PRDM15: variants seen among roughly 807,000 people sequenced by gnomAD.
PRDM15 encodes the protein PR/SET domain 15.
Under a neutral mutation model 128.6 loss-of-function variants are expected in PRDM15, and 64 were observed. That is an observed-to-expected ratio of 0.50 (90% confidence interval 0.41 to 0.61). The LOEUF (loss-of-function observed/expected upper bound fraction) is 0.61, where lower values mean the gene tolerates loss of function less well. Ranked by LOEUF, PRDM15 falls within the 20% of genes least tolerant of loss-of-function variation. The pLI is 0.00. For synonymous variants in PRDM15, 615 were observed against 621.8 expected (o/e 0.99, Z 0.16); for missense variants, 1,242 against 1,569.1 (o/e 0.79, Z 3.52).
Position 41,810,414 on chromosome 21 carries a change from C to T in PRDM15, c.2477-85G>A. On this transcript the variant is annotated intron_variant, in intron 20 of 23. Transcript: ENST00000398548. The surrounding 1 kb of genome is among the most constrained non-coding windows in gnomAD (Gnocchi z 6.4). ...GTGCAGCCATCCCAATGACCCTGGC[C>T]TGCTGGACGAGGCAAGAAGCCTGTC... The T allele has an allele frequency of 6.8e-7, 1 of 1,466,734 alleles. No homozygotes were observed. Among genetic ancestry groups the T allele is most frequent in the Non-Finnish European group, 9.2e-7 (1 of 1,087,302 alleles). The allele number at this position is 1,466,734 out of a possible 1,614,324, so 90.9% of individuals were successfully genotyped here. A position where few individuals can be genotyped will look rare whatever the true frequency, so the allele number is the denominator to read the frequency against.
At chr21:41,809,358 G>C (rs1015931452) in intron 21 of PRDM15, among the ~76,000 whole-genome samples, 1 of 150,936 alleles carries the variant, frequency 6.6e-6, no homozygotes. Flanking sequence ...TCAGCCTCCC[G>C]AGTAGCTGGG....
Position 41,819,623 on chromosome 21 carries a change from T to C in PRDM15, c.2219A>G (p.His740Arg), listed in dbSNP as rs1396835094. 1 of 1,612,194 alleles carries C rather than the reference T, an allele frequency of 6.2e-7. No individual in the cohort carries two copies. The highest frequency in any genetic ancestry group is 8.5e-7 in the Non-Finnish European group (1 of 1,179,562). ...KDMLKEHMRV[H>R]DNVREYLCAE... is the part of the protein sequence containing the mutation. ...ACACAGGTACTCGCGGACATTGTCG[T>C]GCACACGCATGTGCTCCTTCAGCAT... The change falls in exon 18 of 24, where the codon CAC (histidine) becomes CGC (arginine). Residue 740 changes from histidine to arginine, a missense_variant. Physicochemically the swap from His to Arg is conservative, Grantham distance 29. Around this residue, in one of 3 missense-constraint regions of PRDM15, gnomAD observed 602 missense variants for 788.3 expected, o/e 0.76. Coordinates refer to ENST00000398548, the MANE Select transcript of PRDM15 (RefSeq NM_001040424.3).
At position 41,847,129 on chromosome 21, in the gene PRDM15, C is replaced by G. The variant is rs1221793481; in HGVS notation, c.601G>C (p.Val201Leu). Reference protein sequence around the residue: ...ESEPSQWACKVCSATFLELQL... With the variant: ...ESEPSQWACKLCSATFLELQL... ...AGCTCCAGGAAGGTGGCAGAACACA[C>G]TTTACACGCCCACTGGCTGGGCTCC... is the stretch of plus-strand genomic sequence containing the variant. The change falls in exon 6 of 24, where the codon GTG (valine) becomes CTG (leucine). Residue 201 changes from valine to leucine, a missense_variant. Transcript: ENST00000398548. 1 of 1,555,380 alleles carries G rather than the reference C, an allele frequency of 6.4e-7. No homozygotes were observed. Among genetic ancestry groups the G allele is most frequent in the Non-Finnish European group, 8.7e-7 (1 of 1,148,558 alleles).
Position 41,854,924 on chromosome 21 carries a change from C to T in PRDM15, c.286-106G>A, listed in dbSNP as rs992355706. On this transcript the variant is annotated intron_variant, in intron 4 of 23. Coordinates refer to ENST00000398548, the MANE Select transcript of PRDM15 (RefSeq NM_001040424.3). This position sits in a 1 kb window ranked among gnomAD's most constrained non-coding sequence, Gnocchi z 4.6. ...TGAGGAACCCATCTAGACAGTGCCA[C>T]GTCAGAGGCCATAAGGGCTCCTGTA... is the stretch of plus-strand genomic sequence containing the variant. The T allele has an allele frequency of 1.3e-5, 16 of 1,273,410 alleles. No individual in the cohort carries two copies. The highest frequency in any genetic ancestry group is 7.4e-5 in the East Asian group (3 of 40,462). The allele number at this position is 1,273,410 out of a possible 1,614,324, so 78.9% of individuals were successfully genotyped here. A position where few individuals can be genotyped will look rare whatever the true frequency, so the allele number is the denominator to read the frequency against.
chr21:41,878,377 T>G (rs1569037879), intron 1 of PRDM15, among the ~76,000 whole-genome samples: 1 of 152,116 alleles, frequency 6.6e-6, no homozygotes, highest in African/African-American at 2.4e-5. Flanking sequence ...TCCACTACAT[T>G]AGGGGGTTAA....
At position 41,828,190 on chromosome 21, in the gene PRDM15, C is replaced by T; in HGVS notation, c.1510G>A (p.Asp504Asn). Reference sequence around the variant, plus strand: ...CCTTCCAGGTGCCGGCGCTGGTGGTCCAGCATGACGTCCTTGCGGTAGAAC... The same window carrying T: ...CCTTCCAGGTGCCGGCGCTGGTGGTTCAGCATGACGTCCTTGCGGTAGAAC... ...KMFYRKDVML[D>N]HQRRHLEGVR... Residue 504 changes from aspartate to asparagine, a missense_variant, in exon 12 of 24, where the codon GAC becomes AAC. Asp to Asn is a conservative substitution (Grantham distance 23, BLOSUM62 1). Coordinates refer to ENST00000398548, the MANE Select transcript of PRDM15 (RefSeq NM_001040424.3). The surrounding 1 kb of genome is among the most constrained non-coding windows in gnomAD (Gnocchi z 5.7). 1 of 1,613,990 alleles carries T rather than the reference C, an allele frequency of 6.2e-7. No individual in the cohort carries two copies. Among genetic ancestry groups the T allele is most frequent in the Non-Finnish European group, 8.5e-7 (1 of 1,179,980 alleles).
At chr21:41,848,958 A>G (rs2063347352) in intron 5 of PRDM15, among the ~76,000 whole-genome samples, 1 of 152,216 alleles carries the variant, frequency 6.6e-6, no homozygotes, top group African/African-American at 2.4e-5. Flanking sequence ...GTCCCAGCAA[A>G]ATCTAACATC....
intron 3 of PRDM15, among the ~76,000 whole-genome samples, chr21:41,858,253 C>A (rs1034932024): frequency 6.6e-6 from 1 of 152,254 alleles, no homozygotes; most frequent in African/African-American, 2.4e-5. Flanking sequence ...GGAGCCGGGA[C>A]GAGCCCAGGA....
Position 41,836,628 on chromosome 21 carries a change from G to A in PRDM15, c.1023C>T (p.Asn341=). Residue 341 remains asparagine (N), a synonymous_variant, in exon 9 of 24, where the codon AAC becomes AAT. Transcript: ENST00000398548. ...SVPKFTHHQN[N]TITLKRSLIL... is the part of the protein sequence containing the mutation. ...TTAAGCTCCTCTTGAGCGTGATGGT[G>A]TTATTCTGATGATGGGTGAACCTGC... 6.2e-7 allele frequency: 1 copy of A among 1,607,692 alleles called. No individual in the cohort carries two copies. Among genetic ancestry groups the A allele is most frequent in the Non-Finnish European group, 8.5e-7 (1 of 1,175,044 alleles).
Position 41,821,831 on chromosome 21 carries a change from G to A in PRDM15, c.1896+72C>T, listed in dbSNP as rs1004650510. The A allele has an allele frequency of 7.6e-6, 12 of 1,585,898 alleles. No individual in the cohort carries two copies. The highest frequency in any genetic ancestry group is 1.1e-5 in the South Asian group (1 of 90,330). ...AGATGCATGAAGGTGCCTGCTGTGT[G>A]GGGCCCACAGCCTTGAAACGACCAC... On this transcript the variant is annotated intron_variant, in intron 15 of 23. Transcript: ENST00000398548. This position sits in a 1 kb window ranked among gnomAD's most constrained non-coding sequence, Gnocchi z 5.4.
chr21:41,857,282 G>A lies in PRDM15; in HGVS notation c.179C>T (p.Ala60Val), dbSNP rs745661557. Residue 60 changes from alanine (A) to valine (V), a missense_variant, in exon 4 of 24, where the codon GCC (alanine) becomes GTC (valine). This residue lies in a region of PRDM15 where 612 missense variants were observed against 717.0 expected (regional missense o/e 0.85). Coordinates refer to ENST00000398548, the MANE Select transcript of PRDM15 (RefSeq NM_001040424.3). ...NLEIRRLEDG[A>V]EGVFAITQLV... ...CTGAGTGATGGCGAACACCCCCTCGGCTCCATCTTCCAGTCGTCTGATCTC... is the reference window on the plus strand; with the variant it reads ...CTGAGTGATGGCGAACACCCCCTCGACTCCATCTTCCAGTCGTCTGATCTC... 6.2e-7 allele frequency: 1 copy of A among 1,613,882 alleles called. No homozygotes were observed. Among genetic ancestry groups the A allele is most frequent in the Non-Finnish European group, 8.5e-7 (1 of 1,179,986 alleles).
In PRDM15 at chr21:41,852,517, C is replaced by T. The variant is rs533624561; in HGVS notation, c.538+2049G>A. Among the ~76,000 whole-genome samples the T allele has an allele frequency of 3.4e-4, 52 of 152,378 alleles. No individual in the cohort carries two copies. In the South Asian group the frequency reaches 7.5e-3, roughly 22 times the overall value. ...CAGGCACCTGGTTTTGGCAAAGCCA[C>T]GAGGGTGGGGCTAGGAGCAGCTGGG... On this transcript the variant is annotated intron_variant, in intron 5 of 23. Coordinates refer to ENST00000398548, the MANE Select transcript of PRDM15 (RefSeq NM_001040424.3).
chr21:41,857,567 C>G (rs1204237413), intron 3 of PRDM15, among the ~76,000 whole-genome samples: 1 of 152,160 alleles, frequency 6.6e-6, no homozygotes, highest in Non-Finnish European at 1.5e-5. Context: ...TGAGACCAGC[C>G]TGGGCAATAT....
chr21:41,847,224 C>T, intron 5 of PRDM15, 33 bp from the exon 6 acceptor site: 1 of 1,452,122 alleles, frequency 6.9e-7, no homozygotes. Context: ...AAAAGGTGAC[C>T]CCCAAGCAGC....
At chr21:41,840,104 C>T (rs542621879) in intron 6 of PRDM15, among the ~76,000 whole-genome samples, 25 of 152,262 alleles carry the variant, frequency 1.6e-4, no homozygotes, top group African/African-American at 6.0e-4. Flanking sequence ...AGCAGACATA[C>T]ACACACACAT....
In PRDM15 at chr21:41,821,825, C is replaced by T. The variant is rs1304658762; in HGVS notation, c.1896+78G>A. The T allele has an allele frequency of 9.6e-6, 15 of 1,566,422 alleles. No homozygotes were observed. Among genetic ancestry groups the T allele is most frequent in the Admixed American group, 1.7e-5 (1 of 59,586 alleles). ...CTTCCGAGATGCATGAAGGTGCCTG[C>T]TGTGTGGGGCCCACAGCCTTGAAAC... On this transcript the variant is annotated intron_variant, in intron 15 of 23. Coordinates refer to ENST00000398548, the MANE Select transcript of PRDM15 (RefSeq NM_001040424.3). The surrounding 1 kb of genome is among the most constrained non-coding windows in gnomAD (Gnocchi z 5.4).
At position 41,832,741 on chromosome 21, in the gene PRDM15, C is replaced by T. The variant is rs2062739334; in HGVS notation, c.1366+2696G>A. 6.6e-6 allele frequency among the ~76,000 whole-genome samples: 1 copy of T among 152,156 alleles called. No individual in the cohort carries two copies. Among genetic ancestry groups the T allele is most frequent in the African/African-American group, 2.4e-5 (1 of 41,416 alleles). On this transcript the variant is annotated intron_variant, in intron 11 of 23. Transcript: ENST00000398548. The surrounding 1 kb of genome is among the most constrained non-coding windows in gnomAD (Gnocchi z 4.2). Reference sequence around the variant, plus strand: ...GCAGGTGCAAATCAGCACCCATGAGCACCCCCTCCTGGGCAGGTGGCTCCA... The same window carrying T: ...GCAGGTGCAAATCAGCACCCATGAGTACCCCCTCCTGGGCAGGTGGCTCCA...
chr21:41,848,304 T>G (rs2063329105), intron 5 of PRDM15, among the ~76,000 whole-genome samples: 2 of 152,262 alleles, frequency 1.3e-5, no homozygotes, highest in Admixed American at 1.3e-4. Flanking sequence ...GCTATCACCC[T>G]GTGCATGCAT....
chr21:41,838,377 G>A (rs568072859), intron 7 of PRDM15, among the ~76,000 whole-genome samples: 2 of 152,284 alleles, frequency 1.3e-5, no homozygotes, highest in Non-Finnish European at 2.9e-5. Flanking sequence ...TGGATATATA[G>A]CAGAAACTTC....
Sources: allele counts gnomAD v4.1 joint callset (sites outside exome capture counted in the v4.1 genomes callset), GRCh38; gene constraint gnomAD v4.1.1; regional missense constraint gnomAD v4.1.1; non-coding constraint Gnocchi (gnomAD v3.1); transcripts MANE v1.5; gene names NCBI Gene and HGNC (gene_info 2026-07-23, HGNC 2026-07-21).